Variants in TNFRSF11A observed in about 807,000 individuals in gnomAD.
TNFRSF11A encodes TNF receptor superfamily member 11a.
Under a neutral mutation model 55.7 loss-of-function variants are expected in TNFRSF11A, and 32 were observed. The ratio of observed to expected loss-of-function variants is 0.57; its 90% CI spans 0.43 to 0.77. The LOEUF (loss-of-function observed/expected upper bound fraction) is 0.77. Ranked by LOEUF, TNFRSF11A falls within the 30% of genes least tolerant of loss-of-function variation. The probability of loss-of-function intolerance (pLI) is 0.00; values close to 1 mark genes in which losing one functional copy is unlikely to be tolerated. For missense variants in TNFRSF11A, 753 were observed against 809.8 expected, an observed-to-expected ratio of 0.93 and a Z score of 0.85; for synonymous variants, 311 against 331.0, an observed-to-expected ratio of 0.94 and a Z score of 0.65.
At chr18:62,367,634 G>A (rs949763605) in intron 8 of TNFRSF11A, among the ~76,000 whole-genome samples, 1 of 152,030 alleles carries the variant, frequency 6.6e-6, no homozygotes, top group Non-Finnish European at 1.5e-5. Context: ...GTGTATTTAA[G>A]AACAAAGACA....
intron 3 of TNFRSF11A, among the ~76,000 whole-genome samples, chr18:62,351,612 C>T (rs777681932): frequency 2.0e-5 from 3 of 151,822 alleles, no homozygotes; most frequent in Non-Finnish European, 4.4e-5. Context: ...CCCTCATCAA[C>T]TATTTATTGA....
At position 62,354,563 on chromosome 18, in the gene TNFRSF11A, C is replaced by T. The variant is rs373647104; in HGVS notation, c.427+29C>T. ...CGGGTTGGATGTGTGCGTCTGTCGG[C>T]TCTTGCTGAGCCATGCAAAGCCAGC... On this transcript the variant is annotated intron_variant, in intron 4 of 9. Transcript: ENST00000586569. 17 of 1,600,916 alleles carry T rather than the reference C, an allele frequency of 1.1e-5. No homozygotes were observed. The African/African-American group carries it at 2.1e-4, about 20-fold the overall frequency.
Position 62,389,685 on chromosome 18 carries a change from T to C in TNFRSF11A, c.*4651T>C, listed in dbSNP as rs553837522. 1 of 152,300 alleles carries C rather than the reference T, an allele frequency of 6.6e-6. No individual in the cohort carries two copies. Among genetic ancestry groups the C allele is most frequent in the East Asian group, 1.9e-4 (1 of 5,174 alleles). 9.4% of individuals were successfully genotyped at this position (152,300 alleles called of 1,614,324 possible). A position where few individuals can be genotyped will look rare whatever the true frequency, so the allele number is the denominator to read the frequency against. ...TTGAAACTCATGCTAGGCTAACATC[T>C]CTTTCCTTCATCCCATTCATAAAAC... On this transcript the variant is annotated 3_prime_UTR_variant, in exon 10 of 10. Transcript: ENST00000586569.
chr18:62,336,155 GGAAATA>G (rs1437062990), intron 1 of TNFRSF11A, among the ~76,000 whole-genome samples: 1 of 152,206 alleles, frequency 6.6e-6, no homozygotes, highest in Non-Finnish European at 1.5e-5. Context: ...TGCAGTGTTT[GGAAATA>G]GGAGAAAGTC....
rs781554550 is a variant in TNFRSF11A, at chr18:62,384,879, A to T, written c.1696A>T (p.Met566Leu). 2.2e-4 allele frequency: 357 copies of T among 1,594,986 alleles called. No individual in the cohort carries two copies. Among genetic ancestry groups the T allele is most frequent in the Admixed American group, 4.0e-4 (23 of 57,426 alleles). The change falls in exon 10 of 10, where the codon ATG (methionine) becomes TTG (leucine). Residue 566 changes from methionine to leucine, a missense_variant. Around this residue, in one of 3 missense-constraint regions of TNFRSF11A, gnomAD observed 567 missense variants for 596.7 expected, o/e 0.95. Coordinates refer to ENST00000586569, the MANE Select transcript of TNFRSF11A (RefSeq NM_003839.4). ...QEGAAAAAEPMGRPVQEETLA... is the reference protein window; with the variant it reads ...QEGAAAAAEPLGRPVQEETLA... ...GGGCGCGGCGGCGGCTGCGGAGCCC[A>T]TGGGCCGCCCGGTGCAGGAGGAGAC... is the stretch of plus-strand genomic sequence containing the variant.
At chr18:62,327,763 TTATTA>T (rs1390210656) in intron 1 of TNFRSF11A, among the ~76,000 whole-genome samples, 2 of 152,256 alleles carry the variant, frequency 1.3e-5, no homozygotes, top group African/African-American at 4.8e-5. Flanking sequence ...AGTTTCATTT[TTATTA>T]TATTAAATAG....
chr18:62,388,854 A>G lies in TNFRSF11A; in HGVS notation c.*3820A>G, dbSNP rs1911885108. The G allele has an allele frequency of 6.6e-6, 1 of 152,242 alleles. No homozygotes were observed. Among genetic ancestry groups the G allele is most frequent in the African/African-American group, 2.4e-5 (1 of 41,456 alleles). The allele number at this position is 152,242 out of a possible 1,614,324, so 9.4% of individuals were successfully genotyped here. ...TTGGGGTAGAGAAACCTGCATATAAACAGATAAAAGATCGAGTGTTCACCC... is the reference window on the plus strand; with the variant it reads ...TTGGGGTAGAGAAACCTGCATATAAGCAGATAAAAGATCGAGTGTTCACCC... On this transcript the variant is annotated 3_prime_UTR_variant, in exon 10 of 10. Coordinates refer to ENST00000586569, the MANE Select transcript of TNFRSF11A (RefSeq NM_003839.4).
chr18:62,382,002 A>G (rs898872713), intron 9 of TNFRSF11A, among the ~76,000 whole-genome samples: 59 of 151,762 alleles, frequency 3.9e-4, no homozygotes, highest in African/African-American at 1.3e-3. Flanking sequence ...TTACAAGTTC[A>G]TCTCTTAAAT....
At chr18:62,336,762 G>T (rs1486166022) in intron 1 of TNFRSF11A, 1 of 152,236 alleles carries the variant, frequency 6.6e-6, no homozygotes, top group Non-Finnish European at 1.5e-5. Flanking sequence ...ATTCCAGGTA[G>T]CCCAGGGCTG....
chr18:62,349,851 G>A lies in TNFRSF11A; in HGVS notation c.197G>A (p.Ser66Asn). 6.2e-7 allele frequency: 1 copy of A among 1,614,132 alleles called. No individual in the cohort carries two copies. Among genetic ancestry groups the A allele is most frequent in the Non-Finnish European group, 8.5e-7 (1 of 1,180,012 alleles). ...MSSKCTTTSD[S>N]VCLPCGPDEY... ...TCTAAATGCACTACTACCTCTGACA[G>A]TGTATGTCTGCCCTGTGGCCCGGAT... Residue 66 changes from serine (S) to asparagine (N), a missense_variant, in exon 3 of 10, where the codon AGT (serine) becomes AAT (asparagine). Transcript: ENST00000586569.
At chr18:62,364,665 T>C (rs1295751541) in intron 7 of TNFRSF11A, among the ~76,000 whole-genome samples, 1 of 152,110 alleles carries the variant, frequency 6.6e-6, no homozygotes, top group Non-Finnish European at 1.5e-5. Context: ...TGGTTTACCT[T>C]GATATATAAT....
intron 4 of TNFRSF11A, among the ~76,000 whole-genome samples, chr18:62,355,874 A>G (rs752180942): frequency 7.9e-5 from 12 of 152,246 alleles, no homozygotes; most frequent in Non-Finnish European, 1.3e-4. Flanking sequence ...ATTTGTTCAC[A>G]TAAATAACTG....
chr18:62,333,143 G>T (rs1275806664), intron 1 of TNFRSF11A, among the ~76,000 whole-genome samples: 2 of 152,166 alleles, frequency 1.3e-5, no homozygotes, highest in African/African-American at 4.8e-5. Context: ...ACCGGGGAAG[G>T]ATAAAGCCAG....
intron 9 of TNFRSF11A, among the ~76,000 whole-genome samples, chr18:62,370,830 C>A (rs1304089258): frequency 1.2e-5 from 1 of 86,450 alleles, no homozygotes; most frequent in Non-Finnish European, 2.2e-5. Flanking sequence ...CTTTTCTTTT[C>A]TTTTCTTTTT....
intron 9 of TNFRSF11A, among the ~76,000 whole-genome samples, chr18:62,373,772 C>T (rs890134155): frequency 1.3e-5 from 2 of 152,146 alleles, no homozygotes; most frequent in Non-Finnish European, 1.5e-5. Context: ...GCATTATAGA[C>T]TCTCCAAGGC....
chr18:62,363,351 T>G (rs998666706), intron 7 of TNFRSF11A, among the ~76,000 whole-genome samples: 1 of 150,542 alleles, frequency 6.6e-6, no homozygotes, highest in African/African-American at 2.4e-5. Flanking sequence ...GTGAGCAATG[T>G]TTGAGTGATG....
intron 1 of TNFRSF11A, among the ~76,000 whole-genome samples, chr18:62,335,662 A>ATTAG: frequency 6.6e-6 from 1 of 152,186 alleles, no homozygotes; most frequent in South Asian, 2.1e-4. Context: ...TCCTTATTAG[A>ATTAG]AAAGAGAGTT....
rs541401983 is a variant in TNFRSF11A at position 62,325,751 on chromosome 18, C to G, written c.75+324C>G. Reference sequence around the variant, plus strand: ...AAATGCTTCTTGAGCACCTACTAAGCGCTTGCGCCGGGCGGTGCCGCGGGA... The same window carrying G: ...AAATGCTTCTTGAGCACCTACTAAGGGCTTGCGCCGGGCGGTGCCGCGGGA... On this transcript the variant is annotated intron_variant, in intron 1 of 9. Coordinates refer to ENST00000586569, the MANE Select transcript of TNFRSF11A (RefSeq NM_003839.4). This position sits in a 1 kb window ranked among gnomAD's most constrained non-coding sequence, Gnocchi z 4.7. Among the ~76,000 whole-genome samples the G allele has an allele frequency of 5.3e-5, 8 of 152,228 alleles. No individual in the cohort carries two copies. The highest frequency in any genetic ancestry group is 1.9e-4 in the African/African-American group (8 of 41,476).
chr18:62,336,573 T>G (rs1352644152), intron 1 of TNFRSF11A: 1 of 152,056 alleles, frequency 6.6e-6, no homozygotes, highest in East Asian at 1.9e-4. Context: ...TTATCTGAAA[T>G]GAATACAAAG....
Sources: allele counts gnomAD v4.1 joint callset (sites outside exome capture counted in the v4.1 genomes callset), GRCh38; gene constraint gnomAD v4.1.1; regional missense constraint gnomAD v4.1.1; non-coding constraint Gnocchi (gnomAD v3.1); transcripts MANE v1.5; gene names NCBI Gene and HGNC (gene_info 2026-07-23, HGNC 2026-07-21).